Variants in UPF2 observed in about 807,000 individuals in gnomAD.
The protein encoded by UPF2 is UPF2 regulator of nonsense mediated mRNA decay.
Under a neutral mutation model 141.4 loss-of-function variants are expected in UPF2, and 17 were observed. The ratio of observed to expected loss-of-function variants is 0.12; its 90% CI spans 0.08 to 0.18. The LOEUF (loss-of-function observed/expected upper bound fraction) is 0.18, where lower values mean the gene tolerates loss of function less well. Ranked by LOEUF, UPF2 falls within the 10% of genes least tolerant of loss-of-function variation. The pLI is 1.00. For missense variants in UPF2, 1,152 were observed against 1,515.9 expected, an observed-to-expected ratio of 0.76 and a Z score of 3.99; for synonymous variants, 540 against 498.0, an observed-to-expected ratio of 1.08 and a Z score of -1.12.
chr10:11,921,394 C>T lies in UPF2; in HGVS notation c.3810-87G>A, dbSNP rs1030242062. ...TGGCGTCTGCAACGCTACCCACCACCACCAAGTCACTCCCCCAAGTTACAG... is the reference window on the plus strand; with the variant it reads ...TGGCGTCTGCAACGCTACCCACCACTACCAAGTCACTCCCCCAAGTTACAG... On this transcript the variant is annotated intron_variant, in intron 21 of 21. Coordinates refer to ENST00000357604, the MANE Select transcript of UPF2 (RefSeq NM_015542.4). The surrounding 1 kb of genome is among the most constrained non-coding windows in gnomAD (Gnocchi z 5.9). 6.5e-6 allele frequency: 10 copies of T among 1,539,254 alleles called. No individual in the cohort carries two copies. The highest frequency in any genetic ancestry group is 8.1e-6 in the Non-Finnish European group (9 of 1,116,054).
At position 12,035,187 on chromosome 10, in the gene UPF2, C is replaced by G. The variant is rs761003794; in HGVS notation, c.237G>C (p.Lys79Asn). Residue 79 changes from lysine to asparagine, a missense_variant, in exon 2 of 22, where the codon AAG (lysine) becomes AAC (asparagine). By Grantham distance (94) the Lys-to-Asn change is moderately conservative. This residue lies in a region of UPF2 where 145 missense variants were observed against 136.5 expected (regional missense o/e 1.06). Coordinates refer to ENST00000357604, the MANE Select transcript of UPF2 (RefSeq NM_015542.4). ...DKERKKKDEE[K>N]VKAEEESKKK... The stretch of plus-strand genomic sequence containing the variant: ...TCTTTGATTCTTCCTCTGCCTTCAC[C>G]TTTTCTTCGTCTTTTTTCTTGCGTT... 2 of 1,613,260 alleles carry G rather than the reference C, an allele frequency of 1.2e-6. No homozygotes were observed. Among genetic ancestry groups the G allele is most frequent in the Non-Finnish European group, 1.7e-6 (2 of 1,179,908 alleles).
chr10:11,950,182 T>C (rs1302737581), intron 15 of UPF2, among the ~76,000 whole-genome samples: 2 of 152,212 alleles, frequency 1.3e-5, no homozygotes, highest in African/African-American at 4.8e-5. Context: ...ACATTACTTT[T>C]AATACTATTA....
intron 21 of UPF2, among the ~76,000 whole-genome samples, chr10:11,923,795 C>T (rs534938878): frequency 6.6e-6 from 1 of 151,978 alleles, no homozygotes; most frequent in East Asian, 1.9e-4. Flanking sequence ...GCCGAGATCC[C>T]GGCACTGCAC....
chr10:11,937,758 T>C (rs533186559), intron 18 of UPF2, among the ~76,000 whole-genome samples: 1 of 152,302 alleles, frequency 6.6e-6, no homozygotes, highest in Admixed American at 6.5e-5. Context: ...TCTTCTGATA[T>C]AGGCTCCATA....
At position 11,935,537 on chromosome 10, in the gene UPF2, T is replaced by C. The variant is rs892935148; in HGVS notation, c.3546+1008A>G. On this transcript the variant is annotated intron_variant, in intron 19 of 21. Coordinates refer to ENST00000357604, the MANE Select transcript of UPF2 (RefSeq NM_015542.4). The surrounding 1 kb of genome is among the most constrained non-coding windows in gnomAD (Gnocchi z 4.9). Reference sequence around the variant, plus strand: ...TGCTGTCAGTTAACACAGGATTTCATGGACTCTAAGAAGCAACTTGATCTC... The same window carrying C: ...TGCTGTCAGTTAACACAGGATTTCACGGACTCTAAGAAGCAACTTGATCTC... Among the ~76,000 whole-genome samples the C allele has an allele frequency of 6.6e-6, 1 of 152,210 alleles. No homozygotes were observed. The highest frequency in any genetic ancestry group is 2.1e-4 in the South Asian group (1 of 4,834).
At chr10:11,943,299 G>A in intron 16 of UPF2, 131 bp from the exon 17 acceptor site, 1 of 788,048 alleles carries the variant, frequency 1.3e-6, no homozygotes, top group Non-Finnish European at 2.0e-6. Flanking sequence ...TAGGTAGTTG[G>A]TTTCCAATGG....
At chr10:11,972,939 G>C (rs1833445331) in intron 9 of UPF2, among the ~76,000 whole-genome samples, 1 of 152,174 alleles carries the variant, frequency 6.6e-6, no homozygotes, top group Non-Finnish European at 1.5e-5. Flanking sequence ...TCCAGTTCTA[G>C]ATCCTTGAGG....
intron 3 of UPF2, among the ~76,000 whole-genome samples, chr10:12,025,659 CA>C (rs961958409): frequency 2.0e-5 from 3 of 152,136 alleles, no homozygotes; most frequent in Non-Finnish European, 4.4e-5. Context: ...AGTTCTGTAA[CA>C]AATGGATAAA....
chr10:12,015,777 T>C, intron 3 of UPF2, among the ~76,000 whole-genome samples: 1 of 152,190 alleles, frequency 6.6e-6, no homozygotes, highest in East Asian at 1.9e-4. Context: ...TTAGTTCCCA[T>C]TACAAGTGCA....
At chr10:11,930,548 G>A (rs1006804338) in intron 20 of UPF2, among the ~76,000 whole-genome samples, 14 of 152,300 alleles carry the variant, frequency 9.2e-5, no homozygotes, top group Admixed American at 3.9e-4. Context: ...ATGCAGAGGC[G>A]GGAGGACTGC....
At chr10:12,005,543 C>T (rs751430422) in intron 4 of UPF2, among the ~76,000 whole-genome samples, 1 of 152,046 alleles carries the variant, frequency 6.6e-6, no homozygotes, top group African/African-American at 2.4e-5. Context: ...TTAATTTCCC[C>T]CTTGCTATAA....
chr10:12,004,410 T>C (rs989029118), intron 5 of UPF2, 120 bp downstream of exon 5: 2 of 722,898 alleles, frequency 2.8e-6, no homozygotes, highest in African/African-American at 3.6e-5. Context: ...TTTACTCTAA[T>C]GACTCAATGT....
At chr10:11,994,996 A>T (rs1247902412) in intron 8 of UPF2, among the ~76,000 whole-genome samples, 2 of 147,864 alleles carry the variant, frequency 1.4e-5, no homozygotes, top group Non-Finnish European at 3.0e-5. Context: ...AAAAAAAAAA[A>T]AAAAAAAAGA....
chr10:12,017,887 C>T (rs1282684474), intron 3 of UPF2, among the ~76,000 whole-genome samples: 1 of 152,168 alleles, frequency 6.6e-6, no homozygotes, highest in Non-Finnish European at 1.5e-5. Context: ...TGTTATCCCT[C>T]CCCTGGCCCT....
chr10:11,930,064 G>A, intron 20 of UPF2, 79 bp from the exon 21 acceptor site: 1 of 1,583,484 alleles, frequency 6.3e-7, no homozygotes, highest in Non-Finnish European at 8.6e-7. Context: ...GAAATGTTGG[G>A]GAGATTAAGT....
intron 8 of UPF2, among the ~76,000 whole-genome samples, chr10:11,987,073 C>A (rs1833704255): frequency 6.6e-6 from 1 of 152,174 alleles, no homozygotes; most frequent in African/African-American, 2.4e-5. Context: ...TTCCCTGATA[C>A]TGATTGACTT....
Position 11,956,441 on chromosome 10 carries a change from T to C in UPF2, c.2453A>G (p.Asn818Ser). The change falls in exon 13 of 22, where the codon AAT (asparagine) becomes AGT (serine). Residue 818 changes from asparagine (N) to serine (S), a missense_variant. Around this residue, in one of 4 missense-constraint regions of UPF2, gnomAD observed 739 missense variants for 1,032.2 expected, o/e 0.72. Transcript: ENST00000357604. This position sits in a 1 kb window ranked among gnomAD's most constrained non-coding sequence, Gnocchi z 4.2. The stretch of plus-strand genomic sequence containing the variant: ...ACAATGAATACTATTATATTTCACA[T>C]TCCAGATGTTTATCATACAACAAAT... ...YVICCMINIW[N>S]VKYNSIHCVA... 1 of 1,614,194 alleles carries C rather than the reference T, an allele frequency of 6.2e-7. No individual in the cohort carries two copies. The highest frequency in any genetic ancestry group is 8.5e-7 in the Non-Finnish European group (1 of 1,180,008).
chr10:11,963,214 C>T (rs767539786), intron 11 of UPF2, among the ~76,000 whole-genome samples: 3 of 152,174 alleles, frequency 2.0e-5, no homozygotes, highest in South Asian at 2.1e-4. Flanking sequence ...ACAGCACCTA[C>T]GACACTGTAT....
chr10:12,017,021 GAAA>G (rs11329571), intron 3 of UPF2, among the ~76,000 whole-genome samples: 1 of 116,308 alleles, frequency 8.6e-6, no homozygotes, highest in Non-Finnish European at 1.8e-5. Context: ...CTCCATCTCG[GAAA>G]AAAAAAAAAA....
Sources: allele counts gnomAD v4.1 joint callset (sites outside exome capture counted in the v4.1 genomes callset), GRCh38; gene constraint gnomAD v4.1.1; regional missense constraint gnomAD v4.1.1; non-coding constraint Gnocchi (gnomAD v3.1); transcripts MANE v1.5; gene names NCBI Gene and HGNC (gene_info 2026-07-23, HGNC 2026-07-21).